The following RAD18 variants were observed in gnomAD, a reference collection of about 807,000 sequenced individuals.
RAD18 encodes the protein E3 ubiquitin-protein ligase RAD18.
A neutral mutation model predicts 60.4 loss-of-function variants in RAD18; 47 were observed. That is an observed-to-expected ratio of 0.78 (90% CI 0.62 to 0.99). The LOEUF (loss-of-function observed/expected upper bound fraction) is 0.99, where lower values mean the gene tolerates loss of function less well. Ranked by LOEUF, RAD18 falls within the 50% of genes least tolerant of loss-of-function variation. RAD18 has a pLI of 0.00. For synonymous variants in RAD18, 225 were observed against 195.5 expected (o/e 1.15, Z -1.26); for missense variants, 640 against 593.3 (o/e 1.08, Z -0.82).
rs549862856 is a variant in RAD18 at position 8,923,916 on chromosome 3, A to C, written c.890-10196T>G. ...CCCTAAAAGAGCTCCTGAAGGAAGC[A>C]CTAAACGTGGAAAGGAACAACCAGT... On this transcript the variant is annotated intron_variant, in intron 7 of 12. Coordinates refer to ENST00000264926, the MANE Select transcript of RAD18 (RefSeq NM_020165.4). Among the ~76,000 whole-genome samples the C allele has an allele frequency of 1.3e-4, 20 of 152,334 alleles. No individual in the cohort carries two copies. In the South Asian group the frequency reaches 4.1e-3, roughly 32 times the overall value.
At chr3:8,912,273 T>A (rs1940116965) in intron 9 of RAD18, 39 bp downstream of exon 9, 1 of 1,412,862 alleles carries the variant, frequency 7.1e-7, no homozygotes, top group Non-Finnish European at 9.7e-7. Flanking sequence ...AAACAGCAAC[T>A]GAAGCTCTTT....
intron 1 of RAD18, among the ~76,000 whole-genome samples, chr3:8,959,315 G>T (rs536032561): frequency 6.6e-6 from 1 of 152,126 alleles, no homozygotes; most frequent in Admixed American, 6.5e-5. Flanking sequence ...CTTCTAATGC[G>T]CTTCCAGCTC....
intron 7 of RAD18, among the ~76,000 whole-genome samples, chr3:8,917,257 A>G (rs546959669): frequency 6.6e-6 from 1 of 152,336 alleles, no homozygotes; most frequent in South Asian, 2.1e-4. Context: ...GGAAATCATA[A>G]GCTGAGAGAA....
intron 12 of RAD18, among the ~76,000 whole-genome samples, chr3:8,886,154 G>A (rs1939561133): frequency 6.6e-6 from 1 of 152,136 alleles, no homozygotes; most frequent in African/African-American, 2.4e-5. Flanking sequence ...CTTTAAGTGT[G>A]GGGTGATTTA....
At chr3:8,919,126 G>A (rs887692867) in intron 7 of RAD18, among the ~76,000 whole-genome samples, 6 of 152,218 alleles carry the variant, frequency 3.9e-5, no homozygotes, top group Non-Finnish European at 8.8e-5. Context: ...ATTCACAACA[G>A]TCTCTAGGTA....
rs990605168 is a variant in RAD18, at chr3:8,928,099, ATGAAG to A, written c.889+7767_889+7771del. On this transcript the variant is annotated intron_variant, in intron 7 of 12. Transcript: ENST00000264926. ...AAGTCTTAAGGTCCTTCCATTATAC[ATGAAG>A]TAGTGTACTATTCATTGAAGGTAGA... 9.9e-5 allele frequency among the ~76,000 whole-genome samples: 15 copies of A among 152,114 alleles called. 1 individual carries two copies. Among genetic ancestry groups the A allele is most frequent in the Non-Finnish European group, 2.1e-4 (14 of 67,980 alleles).
intron 6 of RAD18, among the ~76,000 whole-genome samples, chr3:8,939,136 T>C (rs1940701575): frequency 6.6e-6 from 1 of 152,038 alleles, no homozygotes; most frequent in South Asian, 2.1e-4. Flanking sequence ...TTTTGAAAAA[T>C]TCAATTTTAA....
At chr3:8,913,919 C>G (rs1940152026) in intron 7 of RAD18, among the ~76,000 whole-genome samples, 199 bp from the exon 8 acceptor site, 1 of 152,172 alleles carries the variant, frequency 6.6e-6, no homozygotes, top group South Asian at 2.1e-4. Context: ...AGTTAAAACA[C>G]TGAACTCTTA....
chr3:8,881,441 T>C lies in RAD18; in HGVS notation c.1404A>G (p.Thr468=). 1.2e-6 allele frequency: 2 copies of C among 1,610,610 alleles called. No homozygotes were observed. The highest frequency in any genetic ancestry group is 1.7e-6 in the Non-Finnish European group (2 of 1,176,866). ...GGCGATTCTGTCTTGGACTTATTTC[T>C]GTGTCTTGAAGATCGTTTCTGAAGA... ...EASHKNDLQD[T]EISPRQNRRT... The change falls in exon 13 of 13, where the codon ACA becomes ACG. Residue 468 remains threonine (T), a synonymous_variant. Transcript: ENST00000264926.
rs142257155 is a variant in RAD18 at position 8,899,519 on chromosome 3, A to G, written c.1169-472T>C. Among the ~76,000 whole-genome samples the G allele has an allele frequency of 4.3e-4, 66 of 152,336 alleles. No individual in the cohort carries two copies. In the East Asian group the frequency reaches 0.012, roughly 28 times the overall value. ...ATTTTTCTAGGTTAACTAGAATCTAATTATTCTCTATGGAAAAGGACAACT... is the reference window on the plus strand; with the variant it reads ...ATTTTTCTAGGTTAACTAGAATCTAGTTATTCTCTATGGAAAAGGACAACT... On this transcript the variant is annotated intron_variant, in intron 10 of 12. Coordinates refer to ENST00000264926, the MANE Select transcript of RAD18 (RefSeq NM_020165.4).
intron 7 of RAD18, among the ~76,000 whole-genome samples, chr3:8,915,669 T>C (rs1462146309): frequency 1.8e-4 from 28 of 151,576 alleles, no homozygotes; most frequent in Admixed American, 1.8e-3. Context: ...CTGCAAGCTC[T>C]GCCTTCCGGG....
At position 8,880,708 on chromosome 3, in the gene RAD18, A is replaced by G. The variant is rs1055295621; in HGVS notation, c.*649T>C. The G allele has an allele frequency of 1.3e-5, 2 of 152,236 alleles. No homozygotes were observed. The highest frequency in any genetic ancestry group is 6.5e-5 in the Admixed American group (1 of 15,284). 9.4% of individuals were successfully genotyped at this position (152,236 alleles called of 1,614,324 possible). ...AGTGCTATTTCAGAAGAATATGCGC[A>G]ATGTTTCTAAGTTATTGTGACTTTG... On this transcript the variant is annotated 3_prime_UTR_variant, in exon 13 of 13. Transcript: ENST00000264926.
Position 8,882,212 on chromosome 3 carries a change from A to C in RAD18, c.1386-753T>G, listed in dbSNP as rs929632148. On this transcript the variant is annotated intron_variant, in intron 12 of 12. Coordinates refer to ENST00000264926, the MANE Select transcript of RAD18 (RefSeq NM_020165.4). ...GCTTTTCAGTTGCTGAGGGAAACAC[A>C]GGAAACTCCCCCTGGGGCTCTAGCA... Among the ~76,000 whole-genome samples the C allele has an allele frequency of 1.2e-4, 19 of 152,210 alleles. 1 individual carries two copies. Among genetic ancestry groups the C allele is most frequent in the African/African-American group, 4.6e-4 (19 of 41,454 alleles).
chr3:8,925,155 G>C (rs1388984050), intron 7 of RAD18, among the ~76,000 whole-genome samples: 7 of 151,970 alleles, frequency 4.6e-5, no homozygotes, highest in Non-Finnish European at 8.8e-5. Context: ...AAAATTAATA[G>C]ACTGCTAGCA....
intron 12 of RAD18, 149 bp from the exon 13 acceptor site, chr3:8,881,608 G>A: frequency 3.2e-6 from 2 of 623,048 alleles, no homozygotes; most frequent in South Asian, 4.4e-5. Context: ...GTTATTATTA[G>A]TATTTCCACT....
intron 12 of RAD18, among the ~76,000 whole-genome samples, chr3:8,881,704 C>T (rs1412319302): frequency 6.6e-6 from 1 of 152,010 alleles, no homozygotes; most frequent in Non-Finnish European, 1.5e-5. Context: ...GAGTTTTATG[C>T]TTCTGTTTAG....
intron 9 of RAD18, among the ~76,000 whole-genome samples, chr3:8,907,505 C>A (rs974071063): frequency 4.6e-5 from 7 of 152,152 alleles, no homozygotes; most frequent in Non-Finnish European, 8.8e-5. Context: ...CCCCATCTCA[C>A]CGCCCAAATA....
intron 9 of RAD18, among the ~76,000 whole-genome samples, chr3:8,908,452 T>C (rs925926134): frequency 2.6e-5 from 4 of 152,042 alleles, no homozygotes; most frequent in African/African-American, 9.7e-5. Context: ...GGGAAGACGA[T>C]GTCAAGAGAC....
intron 1 of RAD18, 141 bp downstream of exon 1, chr3:8,963,194 T>C (rs1000528467): frequency 4.4e-6 from 4 of 915,002 alleles, no homozygotes; most frequent in East Asian, 6.2e-5. Context: ...GGTCGGCTAG[T>C]GGCAGGGCAG....
Sources: allele counts gnomAD v4.1 joint callset (sites outside exome capture counted in the v4.1 genomes callset), GRCh38; gene constraint gnomAD v4.1.1; transcripts MANE v1.5; gene names NCBI Gene and HGNC (gene_info 2026-07-23, HGNC 2026-07-21).